Variants in SRR observed in about 807,000 individuals in gnomAD.
The protein encoded by SRR is serine racemase, also known as D-serine ammonia-lyase.
In SRR, 19 loss-of-function variants were observed where a neutral mutation model predicts 32.7. The observed-to-expected ratio is 0.58, with a 90% CI of 0.40 to 0.85. The LOEUF is 0.85. Ranked by LOEUF, SRR falls within the 40% of genes least tolerant of loss-of-function variation. SRR has a pLI of 0.00. For synonymous variants in SRR, 142 were observed against 140.9 expected (o/e 1.01, Z -0.06); for missense variants, 373 against 404.7 (o/e 0.92, Z 0.67).
Position 2,324,163 on chromosome 17 carries a change from T to A in SRR, c.*290T>A. ...TGCCTCCCATCCCTGGAGTACTGAC[T>A]GGCACCGGTAAGACAGAATCTCTTT... On this transcript the variant is annotated 3_prime_UTR_variant, in exon 8 of 8. Transcript: ENST00000344595. 6.6e-7 allele frequency: 1 copy of A among 1,512,540 alleles called. No homozygotes were observed. Among genetic ancestry groups the A allele is most frequent in the South Asian group, 1.4e-5 (1 of 71,768 alleles). The allele number at this position is 1,512,540 out of a possible 1,614,324, so 93.7% of individuals were successfully genotyped here. A position where few individuals can be genotyped will look rare whatever the true frequency, so the allele number is the denominator to read the frequency against.
At chr17:2,304,490 G>T (rs1456001538) in intron 1 of SRR, among the ~76,000 whole-genome samples, 1 of 150,416 alleles carries the variant, frequency 6.6e-6, no homozygotes, top group Non-Finnish European at 1.5e-5. Context: ...TGATCCACCC[G>T]CGTCGGCCTC....
chr17:2,320,358 C>T (rs1056835895), intron 4 of SRR, among the ~76,000 whole-genome samples: 1 of 141,976 alleles, frequency 7.0e-6, no homozygotes, highest in East Asian at 2.2e-4. Flanking sequence ...TGGGTTCAAG[C>T]GATTCTTCTG....
intron 4 of SRR, 54 bp from the exon 5 acceptor site, chr17:2,321,252 T>G (rs1008714224): frequency 6.3e-7 from 1 of 1,594,502 alleles, no homozygotes; most frequent in African/African-American, 1.4e-5. Flanking sequence ...AAATGGAACT[T>G]GTTGGGGACT....
chr17:2,322,999 A>C, intron 6 of SRR, 137 bp from the exon 7 acceptor site: 1 of 816,576 alleles, frequency 1.2e-6, no homozygotes. Flanking sequence ...TCCTGACCTC[A>C]GCTGATCCAC....
chr17:2,317,733 G>T, intron 2 of SRR, 137 bp from the exon 3 acceptor site: 1 of 890,010 alleles, frequency 1.1e-6, no homozygotes, highest in Non-Finnish European at 1.7e-6. Flanking sequence ...ATGCACATGA[G>T]ATATTTAAGA....
At chr17:2,322,783 T>C in intron 6 of SRR, 1 of 262,074 alleles carries the variant, frequency 3.8e-6, no homozygotes, top group African/African-American at 2.2e-5. Context: ...CCCAAAGTGC[T>C]GGGATTACAG....
At chr17:2,314,454 G>T (rs998756306) in intron 1 of SRR, among the ~76,000 whole-genome samples, 10 of 152,036 alleles carry the variant, frequency 6.6e-5, no homozygotes, top group Non-Finnish European at 1.2e-4. Context: ...ATGGTGGCAG[G>T]TGCCTGTAGT....
At chr17:2,321,263 CTA>C (rs748302009) in intron 4 of SRR, 41 bp from the exon 5 acceptor site, 1 of 1,603,418 alleles carries the variant, frequency 6.2e-7, no homozygotes, top group Non-Finnish European at 8.5e-7. Flanking sequence ...GTTGGGGACT[CTA>C]TTAAATACAA....
upstream of SRR, chr17:2,303,608 C>T: frequency 7.0e-7 from 1 of 1,425,938 alleles, no homozygotes; most frequent in Non-Finnish European, 9.1e-7. Context: ...CAGGCCCGGC[C>T]CAGGAGCTGG....
intron 1 of SRR, chr17:2,306,702 TAG>T (rs376125156): frequency 3.9e-6 from 2 of 510,264 alleles, no homozygotes; most frequent in African/African-American, 3.9e-5. Context: ...GGGTGACAGA[TAG>T]AGACTCTGTC....
chr17:2,323,484 T>G, intron 7 of SRR, 139 bp downstream of exon 7: 1 of 1,160,702 alleles, frequency 8.6e-7, no homozygotes, highest in Non-Finnish European at 1.2e-6. Flanking sequence ...CTAGATGTAT[T>G]AATGACAACC....
upstream of SRR, chr17:2,303,531 C>CG (rs2075337479): frequency 2.2e-6 from 3 of 1,337,606 alleles, no homozygotes; most frequent in African/African-American, 3.1e-5. Flanking sequence ...GGGGAAGGGG[C>CG]GGGGGCTCCG....
intron 1 of SRR, among the ~76,000 whole-genome samples, chr17:2,305,306 T>C (rs1462998006): frequency 1.3e-5 from 2 of 152,156 alleles, no homozygotes; most frequent in Non-Finnish European, 2.9e-5. Flanking sequence ...GGAAAAATAA[T>C]GGAAAACAAG....
Position 2,323,847 on chromosome 17 carries a change from GCTT to G in SRR, c.1001_1003del (p.Ser334del), listed in dbSNP as rs2075556042. The G allele has an allele frequency of 2.5e-6, 4 of 1,614,034 alleles. No homozygotes were observed. ...TTGGGTGAAGCAGGCTGAAAGGCCA[GCTT>G]CTTATCAGTCTGTTTCTGTTTAATT... On this transcript the variant is annotated inframe_deletion, in exon 8 of 8. Transcript: ENST00000344595.
At position 2,324,413 on chromosome 17, in the gene SRR, A is replaced by C. The variant is rs2075561393; in HGVS notation, c.*540A>C. 1.2e-6 allele frequency: 2 copies of C among 1,600,832 alleles called. No homozygotes were observed. The highest frequency in any genetic ancestry group is 4.5e-5 in the East Asian group (2 of 44,784). ...AGAACAAGTCGGTCAAATTAAAAGT[A>C]GAAAATTTTAAAGCAATGACTTCCA... On this transcript the variant is annotated 3_prime_UTR_variant, in exon 8 of 8. Transcript: ENST00000344595.
intron 2 of SRR, among the ~76,000 whole-genome samples, chr17:2,316,248 CTA>C (rs1477293775): frequency 2.6e-5 from 4 of 152,170 alleles, no homozygotes; most frequent in African/African-American, 9.7e-5. Context: ...TAAGTACACT[CTA>C]TGGTGCATGC....
chr17:2,308,120 A>G (rs2075406732), intron 1 of SRR, among the ~76,000 whole-genome samples: 1 of 151,796 alleles, frequency 6.6e-6, no homozygotes, highest in Non-Finnish European at 1.5e-5. Context: ...CAAGACTAAA[A>G]TCTTGGATTA....
chr17:2,318,861 C>G lies in SRR; in HGVS notation c.331C>G (p.Pro111Ala). The change falls in exon 4 of 8, where the codon CCA becomes GCA. Residue 111 changes from proline (P) to alanine (A), a missense_variant. By Grantham distance (27) the Pro-to-Ala change is conservative (BLOSUM62 -1). Coordinates refer to ENST00000344595, the MANE Select transcript of SRR (RefSeq NM_021947.3). ...PAYIVVPQTAPDCKKLAIQAY... is the reference protein window; with the variant it reads ...PAYIVVPQTAADCKKLAIQAY... ...TTATATTGTGGTGCCCCAGACAGCT[C>G]CAGACTGTAAAAAACTTGCAATACA... 6.2e-7 allele frequency: 1 copy of G among 1,613,756 alleles called. No individual in the cohort carries two copies.
rs554131773 is a variant in SRR, at chr17:2,306,795, G to A, written c.-5+2778G>A. The A allele has an allele frequency of 2.2e-5, 16 of 717,768 alleles. No homozygotes were observed. The East Asian group carries it at 3.5e-4, about 16-fold the overall frequency. The allele number at this position is 717,768 out of a possible 1,614,324, so 44.5% of individuals were successfully genotyped here. A position where few individuals can be genotyped will look rare whatever the true frequency, so the allele number is the denominator to read the frequency against. ...CAGAGTCTCCTAAAGAGCTCGTACA[G>A]CTGAAGAAGCTCTTCATTGGAGGGC... is the stretch of plus-strand genomic sequence containing the variant. On this transcript the variant is annotated intron_variant, in intron 1 of 7. Coordinates refer to ENST00000344595, the MANE Select transcript of SRR (RefSeq NM_021947.3).
Sources: gnomAD v4.1 joint callset for allele counts (sites outside exome capture counted in the v4.1 genomes callset) on GRCh38, gnomAD v4.1.1 for gene constraint, MANE v1.5 for transcripts, NCBI Gene and HGNC (gene_info 2026-07-23, HGNC 2026-07-21) for gene names.